CDC42EP3: variants seen among roughly 807,000 people sequenced by gnomAD.
CDC42EP3 encodes the protein CDC42 effector protein (Rho GTPase binding) 3.
A neutral mutation model predicts 15.5 loss-of-function variants in CDC42EP3; 4 were observed. That is an observed-to-expected ratio of 0.26 (90% CI 0.13 to 0.59). The LOEUF is 0.59. Ranked by LOEUF, CDC42EP3 falls within the 20% of genes least tolerant of loss-of-function variation. The pLI, the probability that CDC42EP3 is intolerant of heterozygous loss-of-function variation, is 0.89. For missense variants in CDC42EP3, 309 were observed against 311.2 expected (o/e 0.99, Z 0.05); for synonymous variants, 145 against 130.3 (o/e 1.11, Z -0.77).
At chr2:37,663,212 C>G (rs1666133910) in intron 1 of CDC42EP3, among the ~76,000 whole-genome samples, 1 of 152,158 alleles carries the variant, frequency 6.6e-6, no homozygotes, top group African/African-American at 2.4e-5. Flanking sequence ...ACAAACCAAC[C>G]TTCCATGTGC....
At chr2:37,666,278 C>G (rs1666247528) in intron 1 of CDC42EP3, among the ~76,000 whole-genome samples, 1 of 152,210 alleles carries the variant, frequency 6.6e-6, no homozygotes. Context: ...ACACGACCTC[C>G]CTGTGGAGAT....
chr2:37,652,844 G>C (rs535417003), intron 1 of CDC42EP3, among the ~76,000 whole-genome samples: 1 of 152,096 alleles, frequency 6.6e-6, no homozygotes, highest in Non-Finnish European at 1.5e-5. Flanking sequence ...GAGCAGCTAG[G>C]CTTACAGATG....
chr2:37,649,371 G>C (rs777889086), intron 1 of CDC42EP3, among the ~76,000 whole-genome samples: 5 of 144,484 alleles, frequency 3.5e-5, no homozygotes, highest in Non-Finnish European at 7.5e-5. Flanking sequence ...GGGAGGACTG[G>C]TTGAGCCCAG....
Position 37,646,045 on chromosome 2 carries a change from G to A in CDC42EP3, c.543C>T (p.Ser181=), listed in dbSNP as rs2124607560. 1.9e-6 allele frequency: 3 copies of A among 1,614,082 alleles called. No homozygotes were observed. Among genetic ancestry groups the A allele is most frequent in the Non-Finnish European group, 2.5e-6 (3 of 1,179,990 alleles). ...SWGSSGSASQ[S]SQGRDSHSSS... ...AGGAGTGGCTGTCTCTGCCTTGGCT[G>A]GACTGAGATGCAGAACCGCTGGAGC... The change falls in exon 2 of 2, where the codon TCC becomes TCT. Residue 181 remains serine, a synonymous_variant. Coordinates refer to ENST00000295324, the MANE Select transcript of CDC42EP3 (RefSeq NM_006449.5).
intron 1 of CDC42EP3, among the ~76,000 whole-genome samples, chr2:37,661,659 G>A (rs1050168993): frequency 2.0e-5 from 3 of 152,170 alleles, no homozygotes; most frequent in African/African-American, 7.2e-5. Flanking sequence ...TGGACGGCAA[G>A]GCTACCGGGA....
intron 1 of CDC42EP3, among the ~76,000 whole-genome samples, chr2:37,660,863 G>A (rs7608057): frequency 0.12 from 18,248 of 152,004 alleles, 1,245 homozygotes; most frequent in Middle Eastern, 0.17. Context: ...GTAGGGTTAG[G>A]GAGTGTGCAC....
chr2:37,647,625 T>G (rs1338999007), intron 1 of CDC42EP3: 4 of 152,416 alleles, frequency 2.6e-5, no homozygotes, highest in Non-Finnish European at 5.9e-5. Context: ...CTCCATGCAG[T>G]AGGCAGAATT....
Position 37,671,270 on chromosome 2 carries a change from G to C in CDC42EP3, c.-236+156C>G, listed in dbSNP as rs575907338. On this transcript the variant is annotated intron_variant, in intron 1 of 1. Coordinates refer to ENST00000295324, the MANE Select transcript of CDC42EP3 (RefSeq NM_006449.5). ...GCTTGCTTTATGTCCCCTTCGTTCC[G>C]TTGGACACTAGATGGGAAAGCGATG... 1.4e-3 allele frequency among the ~76,000 whole-genome samples: 214 copies of C among 152,340 alleles called. 1 individual carries two copies. Among genetic ancestry groups the C allele is most frequent in the Middle Eastern group, 3.4e-3 (1 of 294 alleles).
Position 37,646,816 on chromosome 2 carries a change from G to T in CDC42EP3, c.-229C>A. 2.3e-6 allele frequency: 1 copy of T among 433,516 alleles called. No individual in the cohort carries two copies. Among genetic ancestry groups the T allele is most frequent in the South Asian group, 4.2e-5 (1 of 24,026 alleles). The allele number at this position is 433,516 out of a possible 1,614,324, so 26.9% of individuals were successfully genotyped here. On this transcript the variant is annotated 5_prime_UTR_variant, in exon 2 of 2. Coordinates refer to ENST00000295324, the MANE Select transcript of CDC42EP3 (RefSeq NM_006449.5). ...ATCATCCAGTCTTGACCACAACCAG[G>T]ACAAACCTGCAGAAGAAACCAAAGC...
intron 1 of CDC42EP3, chr2:37,647,349 T>A (rs1303286766): frequency 1.3e-5 from 2 of 152,240 alleles, no homozygotes; most frequent in East Asian, 3.8e-4. Flanking sequence ...TTCTTACAGA[T>A]AAGAAAACGG....
chr2:37,648,925 T>G (rs1366269050), intron 1 of CDC42EP3, among the ~76,000 whole-genome samples: 1 of 151,852 alleles, frequency 6.6e-6, no homozygotes, highest in Non-Finnish European at 1.5e-5. Flanking sequence ...ACAGGAGTGG[T>G]GTCCTCAGCA....
chr2:37,642,663 T>C lies in CDC42EP3; in HGVS notation c.*3160A>G, dbSNP rs973454370. The C allele has an allele frequency of 7.2e-5, 11 of 152,258 alleles. No homozygotes were observed. The highest frequency in any genetic ancestry group is 2.7e-4 in the African/African-American group (11 of 41,472). 9.4% of individuals were successfully genotyped at this position (152,258 alleles called of 1,614,324 possible). On this transcript the variant is annotated 3_prime_UTR_variant, in exon 2 of 2. Transcript: ENST00000295324. Reference sequence around the variant, plus strand: ...CCATATTAGGAGGATTAGAACTACATCACTCAATATTTTCTTTTGTCTGTT... The same window carrying C: ...CCATATTAGGAGGATTAGAACTACACCACTCAATATTTTCTTTTGTCTGTT...
At chr2:37,668,014 T>G (rs1461958505) in intron 1 of CDC42EP3, among the ~76,000 whole-genome samples, 2 of 152,252 alleles carry the variant, frequency 1.3e-5, no homozygotes, top group Non-Finnish European at 2.9e-5. Context: ...TGGACAGTAC[T>G]GAACCCCATA....
Position 37,652,386 on chromosome 2 carries a change from G to A in CDC42EP3, c.-235-5564C>T, listed in dbSNP as rs79422241. Among the ~76,000 whole-genome samples the A allele has an allele frequency of 6.2e-3, 948 of 152,078 alleles. 7 individuals carry two copies. The highest frequency in any genetic ancestry group is 0.022 in the African/African-American group (897 of 41,460). ...GCTAAACAGGAAAGGCTTACAGGCC[G>A]GAAGCGAATTACCAGACTACAACTA... On this transcript the variant is annotated intron_variant, in intron 1 of 1. Coordinates refer to ENST00000295324, the MANE Select transcript of CDC42EP3 (RefSeq NM_006449.5).
At chr2:37,665,384 G>A (rs760154359) in intron 1 of CDC42EP3, among the ~76,000 whole-genome samples, 13 of 152,058 alleles carry the variant, frequency 8.5e-5, no homozygotes, top group Non-Finnish European at 1.5e-4. Context: ...TGACTAGCTG[G>A]TCAGCCAAAG....
rs1665366643 is a variant in CDC42EP3 at position 37,644,211 on chromosome 2, C to A, written c.*1612G>T. 1 of 152,038 alleles carries A rather than the reference C, an allele frequency of 6.6e-6. No individual in the cohort carries two copies. The highest frequency in any genetic ancestry group is 1.5e-5 in the Non-Finnish European group (1 of 67,998). The allele number at this position is 152,038 out of a possible 1,614,324, so 9.4% of individuals were successfully genotyped here. On this transcript the variant is annotated 3_prime_UTR_variant, in exon 2 of 2. Coordinates refer to ENST00000295324, the MANE Select transcript of CDC42EP3 (RefSeq NM_006449.5). ...TTTTAGATGATAGAACTGCAAGAAC[C>A]CCAAACCCAAAGAAAGAATCGTTGA...
At chr2:37,669,748 G>A (rs992952337) in intron 1 of CDC42EP3, among the ~76,000 whole-genome samples, 1 of 152,226 alleles carries the variant, frequency 6.6e-6, no homozygotes, top group Non-Finnish European at 1.5e-5. Context: ...TTATCTGTGA[G>A]CCCAGAGGCT....
chr2:37,646,347 G>A lies in CDC42EP3; in HGVS notation c.241C>T (p.His81Tyr), dbSNP rs759329410. The change falls in exon 2 of 2, where the codon CAT (histidine) becomes TAT (tyrosine). Residue 81 changes from histidine (H) to tyrosine (Y), a missense_variant. Physicochemically the swap from His to Tyr is moderately conservative, Grantham distance 83. Transcript: ENST00000295324. ...CTGTTGGCCCGGAAGAACTCATTAT[G>A]CCCAGGGAACTGGCCCAGGTGTGCT... ...EKAHLGQFPGHNEFFRANSTS... is the reference protein window; with the variant it reads ...EKAHLGQFPGYNEFFRANSTS... 1.2e-6 allele frequency: 2 copies of A among 1,614,060 alleles called. No homozygotes were observed. The highest frequency in any genetic ancestry group is 2.2e-5 in the East Asian group (1 of 44,876).
At chr2:37,651,939 G>T (rs1465315517) in intron 1 of CDC42EP3, among the ~76,000 whole-genome samples, 1 of 152,106 alleles carries the variant, frequency 6.6e-6, no homozygotes, top group Non-Finnish European at 1.5e-5. Flanking sequence ...ACTTTGGGAG[G>T]CCGAGGCGGG....
Sources: allele counts gnomAD v4.1 joint callset (sites outside exome capture counted in the v4.1 genomes callset), GRCh38; gene constraint gnomAD v4.1.1; transcripts MANE v1.5; gene names NCBI Gene and HGNC (gene_info 2026-07-23, HGNC 2026-07-21).